The following SNX7 variants were observed in gnomAD, a reference collection of about 807,000 sequenced individuals.
The protein encoded by SNX7 is sorting nexin-7.
SNX7 carries 35 observed loss-of-function variants against 48.4 expected under a neutral mutation model. The observed-to-expected ratio is 0.72, with a 90% CI of 0.55 to 0.96. The LOEUF (loss-of-function observed/expected upper bound fraction) is 0.96, where lower values mean the gene tolerates loss of function less well. Ranked by LOEUF, SNX7 falls within the 40% of genes least tolerant of loss-of-function variation. The probability of loss-of-function intolerance (pLI) is 0.00; values close to 1 mark genes in which losing one functional copy is unlikely to be tolerated. For missense variants in SNX7, 553 were observed against 548.9 expected (o/e 1.01, Z -0.07); for synonymous variants, 190 against 190.2 (o/e 1.00, Z 0.01).
intron 7 of SNX7, among the ~76,000 whole-genome samples, chr1:98,718,829 G>T (rs6694804): frequency 0.94 from 143,266 of 152,218 alleles, 67,784 homozygotes; most frequent in Non-Finnish European, 0.99. Context: ...TTTCTGCACT[G>T]TGCTTTTTTA....
chr1:98,741,686 C>CTAA (rs1308778493), intron 8 of SNX7, among the ~76,000 whole-genome samples: 1 of 152,058 alleles, frequency 6.6e-6, no homozygotes, highest in African/African-American at 2.4e-5. Flanking sequence ...TGACTTCCTG[C>CTAA]TAATGTGAAG....
At chr1:98,692,001 T>A (rs1557800885) in intron 4 of SNX7, among the ~76,000 whole-genome samples, 1 of 151,306 alleles carries the variant, frequency 6.6e-6, no homozygotes, top group Admixed American at 6.6e-5. Context: ...CTTGCATAAA[T>A]AGCAAATACT....
chr1:98,720,968 T>A (rs1652837680), intron 7 of SNX7, among the ~76,000 whole-genome samples: 1 of 152,090 alleles, frequency 6.6e-6, no homozygotes, highest in African/African-American at 2.4e-5. Flanking sequence ...GTGTACACAG[T>A]ACTAGAGCAA....
chr1:98,727,620 A>G (rs1261544630), intron 7 of SNX7, among the ~76,000 whole-genome samples: 1 of 152,178 alleles, frequency 6.6e-6, no homozygotes, highest in Non-Finnish European at 1.5e-5. Context: ...CAAAGAAGGT[A>G]AGAACCATGA....
At chr1:98,738,786 C>G (rs1653923138) in intron 8 of SNX7, among the ~76,000 whole-genome samples, 1 of 152,126 alleles carries the variant, frequency 6.6e-6, no homozygotes, top group Non-Finnish European at 1.5e-5. Flanking sequence ...AGGAGCACAC[C>G]ATTCCATCAG....
intron 8 of SNX7, among the ~76,000 whole-genome samples, chr1:98,746,417 A>C (rs1654311113): frequency 6.6e-6 from 1 of 152,056 alleles, no homozygotes; most frequent in South Asian, 2.1e-4. Flanking sequence ...GAAGGTTGGC[A>C]ATGCATCTTA....
intron 1 of SNX7, among the ~76,000 whole-genome samples, chr1:98,675,997 G>GT (rs1650140550): frequency 6.6e-6 from 1 of 151,876 alleles, no homozygotes; most frequent in Non-Finnish European, 1.5e-5. Context: ...TATAACATAT[G>GT]TTTTAGAATA....
intron 7 of SNX7, among the ~76,000 whole-genome samples, chr1:98,721,626 G>A (rs11166082): frequency 0.011 from 1,736 of 152,068 alleles, 36 homozygotes; most frequent in African/African-American, 0.04. Flanking sequence ...AACTAAATGA[G>A]ATAATATATG....
At chr1:98,664,435 G>A (rs1649429907) in intron 1 of SNX7, among the ~76,000 whole-genome samples, 1 of 152,148 alleles carries the variant, frequency 6.6e-6, no homozygotes, top group South Asian at 2.1e-4. Flanking sequence ...AGCTGAGGCA[G>A]GAGAATCTCT....
chr1:98,669,553 A>G (rs1013113929), intron 1 of SNX7, among the ~76,000 whole-genome samples: 2 of 152,176 alleles, frequency 1.3e-5, no homozygotes, highest in Admixed American at 6.5e-5. Flanking sequence ...TGACTGTTAC[A>G]TCACCTGGGA....
At chr1:98,737,882 C>T (rs901395704) in intron 7 of SNX7, among the ~76,000 whole-genome samples, 1 of 152,114 alleles carries the variant, frequency 6.6e-6, no homozygotes, top group Non-Finnish European at 1.5e-5. Context: ...AATATTATCA[C>T]CAGAAATGGT....
At chr1:98,724,149 G>A (rs999317668) in intron 7 of SNX7, among the ~76,000 whole-genome samples, 6 of 151,804 alleles carry the variant, frequency 4.0e-5, no homozygotes, top group African/African-American at 1.2e-4. Flanking sequence ...AGTTAATATC[G>A]AGCTTTCAGA....
At chr1:98,700,746 G>C (rs893591964) in intron 6 of SNX7, among the ~76,000 whole-genome samples, 2 of 151,928 alleles carry the variant, frequency 1.3e-5, no homozygotes, top group African/African-American at 4.8e-5. Flanking sequence ...ATTCCACCAG[G>C]TGCAAAACTG....
At chr1:98,703,103 A>AT (rs766868347) in intron 7 of SNX7, among the ~76,000 whole-genome samples, 6 of 151,660 alleles carry the variant, frequency 4.0e-5, no homozygotes, top group South Asian at 2.1e-4. Context: ...TTAAGGGCAG[A>AT]TTTTTTTTAT....
At position 98,690,961 on chromosome 1, in the gene SNX7, G is replaced by C. The variant is rs564104844; in HGVS notation, c.364-114G>C. ...CAGGCTGACAAACACTGAATAATTA[G>C]GATGTGTTAATTTTTCTTAGAGACC... On this transcript the variant is annotated intron_variant, in intron 2 of 8. Coordinates refer to ENST00000306121, the MANE Select transcript of SNX7 (RefSeq NM_015976.5). The C allele has an allele frequency of 2.1e-4, 110 of 536,078 alleles. No individual in the cohort carries two copies. The South Asian group carries it at 5.2e-3, about 25-fold the overall frequency. 33.2% of individuals were successfully genotyped at this position (536,078 alleles called of 1,614,324 possible). A position where few individuals can be genotyped will look rare whatever the true frequency, so the allele number is the denominator to read the frequency against.
chr1:98,760,104 G>A lies in SNX7; in HGVS notation c.1329G>A (p.Leu443=). 1 of 1,610,008 alleles carries A rather than the reference G, an allele frequency of 6.2e-7. No individual in the cohort carries two copies. The highest frequency in any genetic ancestry group is 1.3e-5 in the African/African-American group (1 of 74,860). Residue 443 remains leucine, a synonymous_variant, in exon 9 of 9, where the codon TTG becomes TTA. Transcript: ENST00000306121. ...TTACATCACAGACCAACCTTCACTTGGAAGAAGCCTCTGAAGATAAACCTT... is the reference window on the plus strand; with the variant it reads ...TTACATCACAGACCAACCTTCACTTAGAAGAAGCCTCTGAAGATAAACCTT... ...SFLTSQTNLH[L]EEASEDKP is the part of the protein sequence containing the mutation.
intron 1 of SNX7, among the ~76,000 whole-genome samples, chr1:98,683,965 T>A (rs1398523714): frequency 6.6e-6 from 1 of 152,176 alleles, no homozygotes; most frequent in Non-Finnish European, 1.5e-5. Flanking sequence ...GTTACCTGAT[T>A]GCCTAGGGTA....
At chr1:98,674,350 G>A (rs955585957) in intron 1 of SNX7, among the ~76,000 whole-genome samples, 25 of 152,162 alleles carry the variant, frequency 1.6e-4, no homozygotes, top group Admixed American at 4.6e-4. Flanking sequence ...AGTCAGCAGA[G>A]TTGGTTCCTT....
chr1:98,681,878 A>T (rs948947130), intron 1 of SNX7, among the ~76,000 whole-genome samples: 2 of 152,180 alleles, frequency 1.3e-5, no homozygotes, highest in Non-Finnish European at 2.9e-5. Flanking sequence ...TTGTTTTCTG[A>T]AAATACACAC....
Sources: allele counts gnomAD v4.1 joint callset (sites outside exome capture counted in the v4.1 genomes callset), GRCh38; gene constraint gnomAD v4.1.1; transcripts MANE v1.5; gene names NCBI Gene and HGNC (gene_info 2026-07-23, HGNC 2026-07-21).